The following DMD variants were observed in gnomAD, a reference collection of about 807,000 sequenced individuals.
DMD encodes the protein dystrophin, also known as mutant dystrophin.
In DMD, 63 loss-of-function variants were observed where a neutral mutation model predicts 330.1. The ratio of observed to expected loss-of-function variants is 0.19; its 90% CI spans 0.16 to 0.24. The LOEUF is 0.24. Ranked by LOEUF, DMD falls within the 10% of genes least tolerant of loss-of-function variation. The probability of loss-of-function intolerance (pLI) is 1.00; values close to 1 mark genes in which losing one functional copy is unlikely to be tolerated. For missense variants in DMD, 3,344 were observed against 2,684.1 expected (o/e 1.25, Z -5.43); for synonymous variants, 1,223 against 959.8 (o/e 1.27, Z -5.07).
intron 7 of DMD, among the ~76,000 whole-genome samples, chrX:32,802,084 A>C (rs2148696847): frequency 8.9e-6 from 1 of 112,076 alleles, no homozygotes; most frequent in Non-Finnish European, 1.9e-5. Context: ...CATTGAATCT[A>C]TAAATTACTT....
chrX:31,520,915 G>A (rs2072688739), intron 55 of DMD, among the ~76,000 whole-genome samples: 1 of 110,805 alleles, frequency 9.0e-6, no homozygotes. Context: ...TCCTGACCTC[G>A]TGATCTGCCC....
chrX:31,287,010 C>T (rs894499455), intron 62 of DMD, among the ~76,000 whole-genome samples: 2 of 112,405 alleles, frequency 1.8e-5, no homozygotes, highest in Non-Finnish European at 3.8e-5. Flanking sequence ...AGCGATCTGC[C>T]CTCCTCGGCC....
chrX:32,420,895 G>T (rs2098186719), intron 29 of DMD, among the ~76,000 whole-genome samples: 1 of 111,414 alleles, frequency 9.0e-6, no homozygotes, highest in Non-Finnish European at 1.9e-5. Context: ...AGAGATCTCT[G>T]CTGGATTCCT....
intron 17 of DMD, 104 bp downstream of exon 17, chrX:32,545,055 C>T (rs986404328): frequency 3.3e-5 from 27 of 808,460 alleles, no homozygotes; most frequent in African/African-American, 2.7e-4. Flanking sequence ...TACAGGTACC[C>T]GAGGATTCTG....
intron 7 of DMD, among the ~76,000 whole-genome samples, chrX:32,733,537 G>A (rs368034484): frequency 0.069 from 7,550 of 109,891 alleles, 776 homozygotes; most frequent in African/African-American, 0.24. Context: ...AGCAAATGTA[G>A]AAGAACAGAA....
intron 2 of DMD, among the ~76,000 whole-genome samples, chrX:32,979,991 GT>G (rs2092660373): frequency 9.0e-6 from 1 of 111,547 alleles, no homozygotes. Flanking sequence ...AAACTTTACA[GT>G]AATGGACAGC....
At chrX:32,294,903 A>G (rs1444078696) in intron 42 of DMD, among the ~76,000 whole-genome samples, 1 of 111,479 alleles carries the variant, frequency 9.0e-6, no homozygotes, top group African/African-American at 3.3e-5. Flanking sequence ...TGATCTTTAT[A>G]GTTTCTGACC....
intron 11 of DMD, among the ~76,000 whole-genome samples, chrX:32,628,353 T>A (rs1447913661): frequency 1.0e-5 from 1 of 99,726 alleles, no homozygotes; most frequent in East Asian, 3.1e-4. Flanking sequence ...CGGGCTTATT[T>A]TAATCAACAT....
At chrX:32,975,986 C>G (rs948588682) in intron 2 of DMD, among the ~76,000 whole-genome samples, 1 of 111,404 alleles carries the variant, frequency 9.0e-6, no homozygotes, top group South Asian at 3.7e-4. Context: ...TTTGGGAGGC[C>G]GAGGTAGGTG....
intron 56 of DMD, among the ~76,000 whole-genome samples, chrX:31,504,134 AAT>A (rs1485040587): frequency 9.0e-6 from 1 of 111,613 alleles, no homozygotes; most frequent in Non-Finnish European, 1.9e-5. Context: ...ACAAAAGAGT[AAT>A]ATGATATAAA....
chrX:33,113,975 A>C (rs6527263), intron 1 of DMD, among the ~76,000 whole-genome samples: 40,862 of 109,933 alleles, frequency 0.37, 5,861 homozygotes, highest in East Asian at 0.85. Flanking sequence ...AGGTTATACT[A>C]TAAATGTAAT....
chrX:32,119,242 G>A (rs1216217582), intron 44 of DMD, among the ~76,000 whole-genome samples: 1 of 107,785 alleles, frequency 9.3e-6, no homozygotes, highest in Non-Finnish European at 1.9e-5. Flanking sequence ...GCTGTGGCAT[G>A]AGAATCACCT....
chrX:32,866,742 T>TGGGGG (rs61420337), intron 2 of DMD, among the ~76,000 whole-genome samples: 3 of 37,303 alleles, frequency 8.0e-5, no homozygotes, highest in Non-Finnish European at 1.3e-4. Context: ...GGTGGGGGGG[T>TGGGGG]GGGGGGGGGG....
At chrX:32,854,531 A>G (rs1352699859) in intron 2 of DMD, among the ~76,000 whole-genome samples, 1 of 109,062 alleles carries the variant, frequency 9.2e-6, no homozygotes, top group Non-Finnish European at 1.9e-5. Flanking sequence ...GCTACAGATA[A>G]ATCAGTACTA....
chrX:31,760,942 AT>A (rs35766737), intron 51 of DMD, among the ~76,000 whole-genome samples: 8,414 of 80,591 alleles, frequency 0.1, 331 homozygotes, highest in East Asian at 0.2. Flanking sequence ...CCTAGTTAGT[AT>A]TTTTTTTTTT....
chrX:31,343,580 G>GGA (rs2057886762), intron 61 of DMD, among the ~76,000 whole-genome samples: 1 of 84,951 alleles, frequency 1.2e-5, no homozygotes, highest in African/African-American at 4.8e-5. Context: ...TTTCCAAAGG[G>GGA]GAGTGTGTGT....
intron 28 of DMD, among the ~76,000 whole-genome samples, chrX:32,440,472 T>C (rs1015691865): frequency 5.4e-5 from 6 of 111,542 alleles, no homozygotes; most frequent in African/African-American, 1.3e-4. Flanking sequence ...CTCCTTATTT[T>C]ATAGATTTAC....
intron 55 of DMD, among the ~76,000 whole-genome samples, chrX:31,547,959 G>A (rs762177439): frequency 1.2e-4 from 13 of 111,827 alleles, no homozygotes; most frequent in Non-Finnish European, 2.1e-4. Flanking sequence ...AGAATGACTT[G>A]AATGGTTTGC....
intron 1 of DMD, among the ~76,000 whole-genome samples, chrX:33,033,904 A>T (rs2094161616): frequency 8.9e-6 from 1 of 112,124 alleles, no homozygotes; most frequent in Admixed American, 9.4e-5. Flanking sequence ...GAAAAACAGC[A>T]TTTTAAGTAT....
Sources: gnomAD v4.1 joint callset for allele counts (sites outside exome capture counted in the v4.1 genomes callset) on GRCh38, gnomAD v4.1.1 for gene constraint, MANE v1.5 for transcripts, NCBI Gene and HGNC (gene_info 2026-07-23, HGNC 2026-07-21) for gene names.